The following MAGI1 variants were observed in gnomAD, a reference collection of about 807,000 sequenced individuals.
The protein encoded by MAGI1 is membrane associated guanylate kinase, WW and PDZ domain containing 1, also known as membrane-associated guanylate kinase, WW and PDZ domain-containing protein 1.
Under a neutral mutation model 139.9 loss-of-function variants are expected in MAGI1, and 58 were observed. That is an observed-to-expected ratio of 0.41 (90% confidence interval 0.34 to 0.52). MAGI1 has a LOEUF of 0.52. Among genes scored for constraint, MAGI1 ranks in the 20% least tolerant of loss-of-function variants. MAGI1 has a pLI of 0.12. For missense variants in MAGI1, 1,874 were observed against 1,901.6 expected, an observed-to-expected ratio of 0.99 and a Z score of 0.27; for synonymous variants, 812 against 737.9, an observed-to-expected ratio of 1.10 and a Z score of -1.63.
chr3:65,609,802 C>A, intron 2 of MAGI1: 1 of 331,102 alleles, frequency 3.0e-6, no homozygotes, highest in Non-Finnish European at 6.2e-6. Context: ...GTCTCAAACT[C>A]CTGGGCTCAA....
At chr3:65,677,194 C>A (rs905347713) in intron 1 of MAGI1, among the ~76,000 whole-genome samples, 1 of 152,086 alleles carries the variant, frequency 6.6e-6, no homozygotes. Context: ...AGGAGATAAA[C>A]ATTTAGGATT....
intron 12 of MAGI1, among the ~76,000 whole-genome samples, chr3:65,406,333 C>T (rs964798113): frequency 6.6e-5 from 10 of 151,664 alleles, no homozygotes; most frequent in Non-Finnish European, 1.3e-4. Context: ...AGAGAGTGGA[C>T]CTCTCTGGAC....
intron 1 of MAGI1, among the ~76,000 whole-genome samples, chr3:65,775,502 CAAAAAAAAAAAAAAAA>C (rs9311958): frequency 8.2e-5 from 3 of 36,594 alleles, no homozygotes; most frequent in African/African-American, 2.3e-4. Context: ...CCCACTCTGC[CAAAAAAAAAAAAAAAA>C]AAAAAAAAAA....
intron 1 of MAGI1, among the ~76,000 whole-genome samples, chr3:65,630,244 G>GT (rs763444037): frequency 1.3e-5 from 2 of 152,210 alleles, no homozygotes; most frequent in East Asian, 1.9e-4. Flanking sequence ...GAGCAGCAGG[G>GT]TATATGCCTG....
At chr3:65,420,516 C>T (rs370461194) in intron 12 of MAGI1, among the ~76,000 whole-genome samples, 7 of 152,224 alleles carry the variant, frequency 4.6e-5, no homozygotes, top group South Asian at 4.1e-4. Flanking sequence ...AGAATAAATG[C>T]CTCATGAAAT....
intron 1 of MAGI1, among the ~76,000 whole-genome samples, chr3:65,861,538 T>C (rs1213313880): frequency 1.3e-5 from 2 of 152,070 alleles, no homozygotes; most frequent in Non-Finnish European, 2.9e-5. Flanking sequence ...GTTAGTACTG[T>C]AATAGGGAAA....
chr3:65,364,380 T>C (rs1437388111), intron 20 of MAGI1, among the ~76,000 whole-genome samples: 1 of 152,086 alleles, frequency 6.6e-6, no homozygotes, highest in African/African-American at 2.4e-5. Flanking sequence ...ATGAATACTA[T>C]GAGTAGATAT....
chr3:66,035,455 G>A (rs1370355887), intron 1 of MAGI1, among the ~76,000 whole-genome samples: 1 of 152,148 alleles, frequency 6.6e-6, no homozygotes, highest in African/African-American at 2.4e-5. Flanking sequence ...CACATTAAGA[G>A]CAATTCTGTC....
chr3:65,794,844 GA>G (rs10581418), intron 1 of MAGI1, among the ~76,000 whole-genome samples: 30,256 of 131,606 alleles, frequency 0.23, 3,243 homozygotes, highest in South Asian at 0.34. Flanking sequence ...CCCTCATCAG[GA>G]AAAAAAAAAA....
rs1476719973 is a variant in MAGI1, at chr3:65,354,525, A to ATG, written c.*1852_*1853insCA. ...AGCATTAAGTCCATAGCACACTGCA[A>ATG]GAAATAAATGAGTGAAGAACAGAGA... is the stretch of plus-strand genomic sequence containing the variant. On this transcript the variant is annotated 3_prime_UTR_variant, in exon 23 of 23. Coordinates refer to ENST00000402939, the MANE Select transcript of MAGI1 (RefSeq NM_001033057.2). 2.0e-5 allele frequency: 3 copies of ATG among 152,688 alleles called. No individual in the cohort carries two copies. The highest frequency in any genetic ancestry group is 7.2e-5 in the African/African-American group (3 of 41,476). The allele number at this position is 152,688 out of a possible 1,614,324, so 9.5% of individuals were successfully genotyped here.
intron 1 of MAGI1, among the ~76,000 whole-genome samples, chr3:65,971,659 T>C (rs2065018693): frequency 6.6e-6 from 1 of 152,128 alleles, no homozygotes; most frequent in Non-Finnish European, 1.5e-5. Flanking sequence ...CCTGTTATCA[T>C]CTACAAAGAC....
At chr3:65,896,662 C>T (rs1317079653) in intron 1 of MAGI1, among the ~76,000 whole-genome samples, 1 of 152,104 alleles carries the variant, frequency 6.6e-6, no homozygotes, top group African/African-American at 2.4e-5. Context: ...GCATCAGAGA[C>T]CCCGTCTCAA....
chr3:65,379,235 T>A (rs539142429), intron 17 of MAGI1, 26 bp downstream of exon 17: 2 of 1,608,952 alleles, frequency 1.2e-6, no homozygotes, highest in African/African-American at 1.3e-5. Context: ...TGGGAAACCC[T>A]GGGTAATTTC....
intron 2 of MAGI1, among the ~76,000 whole-genome samples, chr3:65,616,421 G>A (rs1019339742): frequency 3.3e-5 from 5 of 152,270 alleles, no homozygotes; most frequent in South Asian, 2.1e-4. Flanking sequence ...GAGTCGAAGC[G>A]TTCAGATCCT....
intron 2 of MAGI1, among the ~76,000 whole-genome samples, chr3:65,530,796 T>TATATATACAC (rs2078662742): frequency 4.5e-5 from 4 of 89,292 alleles, no homozygotes; most frequent in East Asian, 5.2e-4. Flanking sequence ...TACACGTATA[T>TATATATACAC]ATATATATAC....
intron 12 of MAGI1, among the ~76,000 whole-genome samples, chr3:65,412,033 T>G (rs1271572560): frequency 6.6e-6 from 1 of 152,178 alleles, no homozygotes; most frequent in Non-Finnish European, 1.5e-5. Flanking sequence ...GAAATCAGAT[T>G]GTACTGTCTC....
intron 1 of MAGI1, among the ~76,000 whole-genome samples, chr3:65,634,894 A>T (rs1049914392): frequency 6.6e-6 from 1 of 152,146 alleles, no homozygotes; most frequent in Non-Finnish European, 1.5e-5. Context: ...TTTGGGGATG[A>T]GTTATCATGA....
chr3:65,530,578 G>T (rs531561706), intron 2 of MAGI1, among the ~76,000 whole-genome samples: 1 of 149,506 alleles, frequency 6.7e-6, no homozygotes, highest in Non-Finnish European at 1.5e-5. Context: ...GATTGCACAC[G>T]ACTCCAGCCT....
At chr3:65,403,296 T>C (rs1945058159) in intron 12 of MAGI1, among the ~76,000 whole-genome samples, 1 of 152,202 alleles carries the variant, frequency 6.6e-6, no homozygotes, top group South Asian at 2.1e-4. Context: ...GGTATAGTTA[T>C]CTTGCACTAA....
Sources: allele counts gnomAD v4.1 joint callset (sites outside exome capture counted in the v4.1 genomes callset), GRCh38; gene constraint gnomAD v4.1.1; transcripts MANE v1.5; gene names NCBI Gene and HGNC (gene_info 2026-07-23, HGNC 2026-07-21).